SATB1: variants seen among roughly 807,000 people sequenced by gnomAD.
SATB1 encodes DNA-binding protein SATB1.
In SATB1, 11 loss-of-function variants were observed where a neutral mutation model predicts 86.9. That is an observed-to-expected ratio of 0.13 (90% CI 0.08 to 0.21). SATB1 has a LOEUF of 0.21. SATB1 is among the 10% of genes least tolerant of loss of function. The pLI is 1.00. For synonymous variants in SATB1, 357 were observed against 357.2 expected, an observed-to-expected ratio of 1.00 and a Z score of 0.01; for missense variants, 551 against 937.6, an observed-to-expected ratio of 0.59 and a Z score of 5.39.
intron 7 of SATB1, among the ~76,000 whole-genome samples, chr3:18,393,176 T>C (rs893746220): frequency 6.6e-6 from 1 of 151,846 alleles, no homozygotes; most frequent in Non-Finnish European, 1.5e-5. Flanking sequence ...AATCATGTAA[T>C]AAACAAAATA....
rs1377114788 is a variant in SATB1, at chr3:18,356,389, G to A, written c.1576-4194C>T. On this transcript the variant is annotated intron_variant, in intron 9 of 10. Transcript: ENST00000338745. ...AATAACATTCTTTTGACTGGTTTTG[G>A]TTAGGGATCTATTAAAGAAATGTAA... Among the ~76,000 whole-genome samples the A allele has an allele frequency of 2.8e-5, 4 of 141,034 alleles. No homozygotes were observed. The East Asian group carries it at 7.0e-4, about 25-fold the overall frequency. The allele number at this position is 141,034 out of a possible 152,430, so 92.5% of individuals were successfully genotyped here. A position where few individuals can be genotyped will look rare whatever the true frequency, so the allele number is the denominator to read the frequency against.
chr3:18,361,989 TCTA>T (rs1694925916), intron 9 of SATB1, among the ~76,000 whole-genome samples: 1 of 152,178 alleles, frequency 6.6e-6, no homozygotes, highest in South Asian at 2.1e-4. Flanking sequence ...GCCTATATCT[TCTA>T]CTTTTTCTAT....
intron 6 of SATB1, among the ~76,000 whole-genome samples, chr3:18,396,196 G>C (rs1482221062): frequency 1.3e-5 from 2 of 151,876 alleles, no homozygotes; most frequent in African/African-American, 4.8e-5. Context: ...GCTATAAAAG[G>C]CAAAGAATCC....
chr3:18,350,345 C>T (rs1694288559), intron 10 of SATB1: 4 of 152,450 alleles, frequency 2.6e-5, no homozygotes, highest in African/African-American at 9.6e-5. Context: ...ATCCACCATA[C>T]GACAGCTAGC....
At chr3:18,372,266 A>G (rs1695512421) in intron 9 of SATB1, among the ~76,000 whole-genome samples, 1 of 152,206 alleles carries the variant, frequency 6.6e-6, no homozygotes, top group African/African-American at 2.4e-5. Context: ...TTCTCTTCAA[A>G]TCTGGTCTAA....
intron 9 of SATB1, among the ~76,000 whole-genome samples, chr3:18,375,399 C>A (rs1695693792): frequency 6.6e-6 from 1 of 152,046 alleles, no homozygotes. Context: ...TAAGTCAACC[C>A]AGACAACCAG....
In SATB1 at chr3:18,443,714, C is replaced by T. The variant is rs1448646057; in HGVS notation, c.-25+1804G>A. 6.6e-6 allele frequency among the ~76,000 whole-genome samples: 1 copy of T among 152,176 alleles called. No homozygotes were observed. Among genetic ancestry groups the T allele is most frequent in the Non-Finnish European group, 1.5e-5 (1 of 68,038 alleles). On this transcript the variant is annotated intron_variant, in intron 1 of 3. Coordinates refer to the SATB1 transcript ENST00000415069. This position sits in a 1 kb window ranked among gnomAD's most constrained non-coding sequence, Gnocchi z 4.4. ...TTTCCCAAACCCCGGTTCTGCCGGC[C>T]CGGGAGCCTTAGCACTGGAGCAATA...
chr3:18,384,713 T>C (rs115473396), intron 8 of SATB1, among the ~76,000 whole-genome samples: 3,653 of 152,288 alleles, frequency 0.024, 51 homozygotes, highest in Middle Eastern at 0.071. Flanking sequence ...CTAGAAGTCA[T>C]AGTTTATCTT....
At chr3:18,406,629 C>T (rs566168103) in intron 5 of SATB1, among the ~76,000 whole-genome samples, 42 of 152,010 alleles carry the variant, frequency 2.8e-4, no homozygotes, top group African/African-American at 9.6e-4. Context: ...CTCTGAGTTC[C>T]CTGTAACTCC....
At chr3:18,367,622 G>A (rs1488508999) in intron 9 of SATB1, among the ~76,000 whole-genome samples, 1 of 152,162 alleles carries the variant, frequency 6.6e-6, no homozygotes, top group Non-Finnish European at 1.5e-5. Context: ...CAGGATTCTT[G>A]TAGTCTAACG....
chr3:18,363,345 A>G (rs989040647), intron 9 of SATB1, among the ~76,000 whole-genome samples: 1 of 152,096 alleles, frequency 6.6e-6, no homozygotes, highest in African/African-American at 2.4e-5. Flanking sequence ...AATTTGAAAG[A>G]CCCAAATCTT....
At chr3:18,390,392 A>C (rs550686344) in intron 7 of SATB1, among the ~76,000 whole-genome samples, 5 of 152,144 alleles carry the variant, frequency 3.3e-5, no homozygotes, top group Non-Finnish European at 7.4e-5. Flanking sequence ...GTCCAGGTAA[A>C]AGACTATTTT....
chr3:18,379,311 A>C (rs535583862), intron 8 of SATB1, among the ~76,000 whole-genome samples: 1 of 152,338 alleles, frequency 6.6e-6, no homozygotes, highest in Admixed American at 6.5e-5. Flanking sequence ...AAATTTACAT[A>C]AAAACCATGT....
upstream of SATB1, among the ~76,000 whole-genome samples, chr3:18,442,742 A>T (rs917139985): frequency 6.6e-6 from 1 of 152,236 alleles, no homozygotes; most frequent in Non-Finnish European, 1.5e-5. Context: ...ACAATGTGAG[A>T]AAAACAGAGT....
intron 2 of SATB1, among the ~76,000 whole-genome samples, chr3:18,434,624 G>A (rs1379054140): frequency 1.3e-5 from 2 of 151,832 alleles, no homozygotes; most frequent in African/African-American, 4.8e-5. Flanking sequence ...ACTAGATTTG[G>A]GTCTTGCTTC....
In SATB1 at chr3:18,397,192, T is replaced by G; in HGVS notation, c.738A>C (p.Thr246=). The part of the protein sequence containing the change: ...FGRWYKHFKK[T]KDMMVEMDSL... ...TTTTTTGCTTACCCATCATATCTTT[T>G]GTCTTCTTGAAATGTTTGTACCACC... The change falls in exon 6 of 11, where the codon ACA becomes ACC. Residue 246 remains threonine, a synonymous_variant. Coordinates refer to ENST00000338745, the MANE Select transcript of SATB1 (RefSeq NM_002971.6). 6.3e-7 allele frequency: 1 copy of G among 1,595,154 alleles called. No individual in the cohort carries two copies. The highest frequency in any genetic ancestry group is 1.1e-5 in the South Asian group (1 of 90,686).
intron 9 of SATB1, among the ~76,000 whole-genome samples, chr3:18,368,320 G>A (rs1482281547): frequency 6.6e-6 from 1 of 152,130 alleles, no homozygotes; most frequent in African/African-American, 2.4e-5. Context: ...TAAATTAGAT[G>A]GAAGAAGAGT....
chr3:18,404,487 T>C (rs1160138800), intron 5 of SATB1, among the ~76,000 whole-genome samples: 1 of 151,992 alleles, frequency 6.6e-6, no homozygotes, highest in Non-Finnish European at 1.5e-5. Context: ...TTGCTAAAAT[T>C]GGAAACTCAG....
intron 6 of SATB1, among the ~76,000 whole-genome samples, chr3:18,395,715 A>G (rs1290380119): frequency 6.6e-6 from 1 of 152,178 alleles, no homozygotes; most frequent in Non-Finnish European, 1.5e-5. Context: ...CTTGCAGGGA[A>G]TCGTTCTGGT....
Sources: gnomAD v4.1 joint callset for allele counts (sites outside exome capture counted in the v4.1 genomes callset) on GRCh38, gnomAD v4.1.1 for gene constraint, Gnocchi (gnomAD v3.1) non-coding constraint, MANE v1.5 for transcripts, NCBI Gene and HGNC (gene_info 2026-07-23, HGNC 2026-07-21) for gene names.